EFL1: variants seen among roughly 807,000 people sequenced by gnomAD.
The protein encoded by EFL1 is elongation factor-like GTPase 1.
Under a neutral mutation model 126.7 loss-of-function variants are expected in EFL1, and 76 were observed. The ratio of observed to expected loss-of-function variants is 0.60; its 90% confidence interval spans 0.50 to 0.73. The LOEUF (loss-of-function observed/expected upper bound fraction) is 0.73. Ranked by LOEUF, EFL1 falls within the 30% of genes least tolerant of loss-of-function variation. The pLI is 0.00. For synonymous variants in EFL1, 410 were observed against 448.4 expected (o/e 0.91, Z 1.08); for missense variants, 1,128 against 1,343.2 (o/e 0.84, Z 2.50).
intron 15 of EFL1, among the ~76,000 whole-genome samples, chr15:82,191,688 C>G (rs536598932): frequency 6.6e-6 from 1 of 152,058 alleles, no homozygotes; most frequent in African/African-American, 2.4e-5. Context: ...TCTATCCATA[C>G]ATGATTAGAA....
chr15:82,210,356 A>G (rs1048813767), intron 15 of EFL1, among the ~76,000 whole-genome samples: 5 of 152,174 alleles, frequency 3.3e-5, no homozygotes, highest in African/African-American at 1.2e-4. Flanking sequence ...TAGGTCATAA[A>G]AGGTGATATA....
At chr15:82,184,943 T>C (rs959407167) in intron 15 of EFL1, among the ~76,000 whole-genome samples, 2 of 152,216 alleles carry the variant, frequency 1.3e-5, no homozygotes, top group Admixed American at 1.3e-4. Flanking sequence ...AGTAAGTCCA[T>C]TGTTTAGCTA....
At chr15:82,132,768 G>A (rs1297234084) in intron 19 of EFL1, among the ~76,000 whole-genome samples, 1 of 151,886 alleles carries the variant, frequency 6.6e-6, no homozygotes, top group Non-Finnish European at 1.5e-5. Context: ...GGAGGAGTGG[G>A]GAGGAAGCTC....
chr15:82,200,241 A>G (rs755038412), intron 15 of EFL1, among the ~76,000 whole-genome samples: 19 of 152,250 alleles, frequency 1.2e-4, no homozygotes, highest in Non-Finnish European at 2.2e-4. Context: ...AAAGAAAAAC[A>G]CAAGGAAGAG....
At chr15:82,238,829 G>A (rs1358694592) in intron 6 of EFL1, among the ~76,000 whole-genome samples, 1 of 152,120 alleles carries the variant, frequency 6.6e-6, no homozygotes, top group Admixed American at 6.5e-5. Flanking sequence ...GTATCACAAA[G>A]TACTCATGAT....
Position 82,262,698 on chromosome 15 carries a change from G to A in EFL1, c.-104C>T, listed in dbSNP as rs1596019827. ...TTCCGAAAGTCCGAGAGCTCTGCGG[G>A]TCCGACACGCCCGCGCGCCAGGGGG... On this transcript the variant is annotated 5_prime_UTR_variant, in exon 1 of 20. Coordinates refer to ENST00000268206, the MANE Select transcript of EFL1 (RefSeq NM_024580.6). 3.1e-6 allele frequency: 2 copies of A among 650,226 alleles called. No individual in the cohort carries two copies. Among genetic ancestry groups the A allele is most frequent in the South Asian group, 2.1e-5 (1 of 48,378 alleles). 40.3% of individuals were successfully genotyped at this position (650,226 alleles called of 1,614,324 possible).
At chr15:82,211,579 CACTAGACACAT>C in intron 15 of EFL1, among the ~76,000 whole-genome samples, 1 of 123,316 alleles carries the variant, frequency 8.1e-6, no homozygotes, top group Admixed American at 7.8e-5. Context: ...CACACACACA[CACTAGACACAT>C]ACTAGACACA....
At chr15:82,156,160 A>T (rs2073964866) in intron 17 of EFL1, among the ~76,000 whole-genome samples, 2 of 152,216 alleles carry the variant, frequency 1.3e-5, no homozygotes, top group Non-Finnish European at 2.9e-5. Context: ...TAAACACTTC[A>T]TGGTTTTGCC....
chr15:82,148,154 T>C (rs969817899), intron 18 of EFL1, among the ~76,000 whole-genome samples: 7 of 152,028 alleles, frequency 4.6e-5, no homozygotes, highest in Admixed American at 2.0e-4. Context: ...CTGAGGCGGA[T>C]GGATCATGAG....
At position 82,152,280 on chromosome 15, in the gene EFL1, T is replaced by C; in HGVS notation, c.2174A>G (p.Gln725Arg). The C allele has an allele frequency of 6.2e-7, 1 of 1,614,244 alleles. No homozygotes were observed. Among genetic ancestry groups the C allele is most frequent in the Non-Finnish European group, 8.5e-7 (1 of 1,180,038 alleles). ...TTGGATTCCTTCAGGGATTTTGCTTTGATCTTCTTTCATTTGGTGTATGAC... is the reference window on the plus strand; with the variant it reads ...TTGGATTCCTTCAGGGATTTTGCTTCGATCTTCTTTCATTTGGTGTATGAC... ...VAVIHQMKED[Q>R]SKIPEGIQVD... The change falls in exon 18 of 20, where the codon CAA becomes CGA. Residue 725 changes from glutamine (Q) to arginine (R), a missense_variant. This residue lies in a region of EFL1 where 561 missense variants were observed against 641.7 expected (regional missense o/e 0.87). Coordinates refer to ENST00000268206, the MANE Select transcript of EFL1 (RefSeq NM_024580.6).
chr15:82,151,483 C>T lies in EFL1; in HGVS notation c.2971G>A (p.Ala991Thr), dbSNP rs78664413. The change falls in exon 18 of 20, where the codon GCC (alanine) becomes ACC (threonine). Residue 991 changes from alanine (A) to threonine (T), a missense_variant. Physicochemically the swap from Ala to Thr is moderately conservative, Grantham distance 58. This residue lies in a region of EFL1 where 561 missense variants were observed against 641.7 expected (regional missense o/e 0.87). Transcript: ENST00000268206. The stretch of plus-strand genomic sequence containing the variant: ...TCCTTACCGAGAACATCACCAGTGG[C>T]CATGATGTCACATGTGTACATAGCT... Reference protein sequence around the residue: ...MAAMYTCDIMATGDVLGRVYA... With the variant: ...MAAMYTCDIMTTGDVLGRVYA... 0.046 allele frequency: 73,732 copies of T among 1,607,546 alleles called. 2,320 individuals carry two copies. Among genetic ancestry groups the T allele is most frequent in the African/African-American group, 0.13 (9,772 of 74,744 alleles).
chr15:82,148,375 C>CT (rs1409146189), intron 18 of EFL1, among the ~76,000 whole-genome samples: 1 of 109,258 alleles, frequency 9.2e-6, no homozygotes, highest in Non-Finnish European at 1.8e-5. Flanking sequence ...GAGAATCCAT[C>CT]TCAAAAAAAA....
intron 14 of EFL1, among the ~76,000 whole-genome samples, chr15:82,216,931 G>A (rs1477954753): frequency 6.6e-6 from 1 of 151,916 alleles, no homozygotes; most frequent in African/African-American, 2.4e-5. Flanking sequence ...AAACTGACAA[G>A]GAATTAGTAT....
chr15:82,164,021 T>C (rs769075510), intron 15 of EFL1, 37 bp from the exon 16 acceptor site: 1 of 1,604,020 alleles, frequency 6.2e-7, no homozygotes, highest in East Asian at 2.2e-5. Flanking sequence ...CAATAAGGGA[T>C]GATAAATTCT....
chr15:82,157,230 C>T (rs114410990), intron 17 of EFL1, among the ~76,000 whole-genome samples: 1,557 of 152,192 alleles, frequency 0.01, 31 homozygotes, highest in African/African-American at 0.034. Context: ...AATAAACATA[C>T]ATTATCTTTG....
In EFL1 at chr15:82,145,703, G is replaced by C. The variant is rs187969286; in HGVS notation, c.2989+5762C>G. Among the ~76,000 whole-genome samples, 7 of 151,612 alleles carry C rather than the reference G, an allele frequency of 4.6e-5. No individual in the cohort carries two copies. In the East Asian group the frequency reaches 1.4e-3, roughly 30 times the overall value. ...CAAAAAAATAGCCGGGAGTGGTGGC[G>C]GGTTCCTGTAATCCCAGCTACTTGG... On this transcript the variant is annotated intron_variant, in intron 18 of 19. Transcript: ENST00000268206.
At chr15:82,251,757 T>C (rs1189019976) in intron 4 of EFL1, among the ~76,000 whole-genome samples, 1 of 152,230 alleles carries the variant, frequency 6.6e-6, no homozygotes, top group African/African-American at 2.4e-5. Flanking sequence ...GGTGGCAGTG[T>C]CAAAGATATG....
chr15:82,204,847 C>T (rs2074507707), intron 15 of EFL1, among the ~76,000 whole-genome samples: 1 of 152,202 alleles, frequency 6.6e-6, no homozygotes, highest in Admixed American at 6.5e-5. Context: ...CTGATAAATA[C>T]TCAACTCACG....
At chr15:82,239,214 A>C (rs1453842666) in intron 6 of EFL1, among the ~76,000 whole-genome samples, 3 of 152,020 alleles carry the variant, frequency 2.0e-5, no homozygotes, top group Non-Finnish European at 4.4e-5. Flanking sequence ...TTGGCTCACC[A>C]CACGCTCTGC....
Sources: gnomAD v4.1 joint callset for allele counts (sites outside exome capture counted in the v4.1 genomes callset) on GRCh38, gnomAD v4.1.1 for gene constraint, gnomAD v4.1.1 regional missense constraint, MANE v1.5 for transcripts, NCBI Gene and HGNC (gene_info 2026-07-23, HGNC 2026-07-21) for gene names.